Variants in DNAJC12 observed in about 807,000 individuals in gnomAD.
DNAJC12 encodes the protein DnaJ heat shock protein family (Hsp40) member C12.
DNAJC12 carries 25 observed loss-of-function variants against 28.5 expected under a neutral mutation model. That is an observed-to-expected ratio of 0.88 (90% CI 0.64 to 1.22). The LOEUF (loss-of-function observed/expected upper bound fraction) is 1.22. DNAJC12 is among the 50% of genes most tolerant of loss of function. DNAJC12 has a pLI of 0.00. For missense variants in DNAJC12, 222 were observed against 231.7 expected, an observed-to-expected ratio of 0.96 and a Z score of 0.27; for synonymous variants, 77 against 80.6, an observed-to-expected ratio of 0.95 and a Z score of 0.24.
rs1304875831 is a variant in DNAJC12 at position 67,834,836 on chromosome 10, T to TA, written c.78+3097dup. On this transcript the variant is annotated intron_variant, in intron 1 of 4. Coordinates refer to ENST00000225171, the MANE Select transcript of DNAJC12 (RefSeq NM_021800.3). ...ACTTCATCTCAAAGAAACAAAAATT[T>TA]AAAAAAAAAATCCAATATAGGGAGA... Among the ~76,000 whole-genome samples, 27 of 151,076 alleles carry TA rather than the reference T, an allele frequency of 1.8e-4. No individual in the cohort carries two copies. The South Asian group carries it at 4.4e-3, about 25-fold the overall frequency.
chr10:67,833,898 A>G (rs1418909481), intron 1 of DNAJC12: 3 of 482,182 alleles, frequency 6.2e-6, no homozygotes, highest in South Asian at 1.5e-5. Flanking sequence ...ATCTGCCTTC[A>G]GTGGTGGCTA....
intron 2 of DNAJC12, among the ~76,000 whole-genome samples, chr10:67,819,756 A>AGGGG (rs1841962008): frequency 4.9e-5 from 1 of 20,310 alleles, no homozygotes; most frequent in Non-Finnish European, 1.0e-4. Flanking sequence ...GGAAGGAAGG[A>AGGGG]AGGAAGGAAG....
At chr10:67,816,363 T>C (rs1841916028) in intron 2 of DNAJC12, among the ~76,000 whole-genome samples, 2 of 152,028 alleles carry the variant, frequency 1.3e-5, no homozygotes, top group Non-Finnish European at 2.9e-5. Flanking sequence ...AATTATGTTA[T>C]TTTTATTATA....
chr10:67,814,093 T>C (rs749488132), intron 2 of DNAJC12, among the ~76,000 whole-genome samples: 1 of 150,396 alleles, frequency 6.6e-6, no homozygotes, highest in Admixed American at 6.6e-5. Context: ...TTCACACTTC[T>C]GAATTTCAAA....
In DNAJC12 at chr10:67,805,523, A is replaced by G. The variant is rs564835420; in HGVS notation, c.502+60T>C. 7.9e-6 allele frequency: 12 copies of G among 1,512,658 alleles called. No homozygotes were observed. In the South Asian group the frequency reaches 1.6e-4, roughly 20 times the overall value. 93.7% of individuals were successfully genotyped at this position (1,512,658 alleles called of 1,614,324 possible). A position where few individuals can be genotyped will look rare whatever the true frequency, so the allele number is the denominator to read the frequency against. ...TGAAAAAGTTAAGAATAAATGCAAT[A>G]TAAACAAAACTCTTTAATTTCAGAC... On this transcript the variant is annotated intron_variant, in intron 4 of 4. Transcript: ENST00000225171.
chr10:67,830,226 G>T (rs573202455), intron 1 of DNAJC12, among the ~76,000 whole-genome samples: 1 of 152,090 alleles, frequency 6.6e-6, no homozygotes, highest in South Asian at 2.1e-4. Context: ...CACAAGAATC[G>T]CTTGAGCCTG....
intron 3 of DNAJC12, among the ~76,000 whole-genome samples, chr10:67,806,448 C>G (rs1841801309): frequency 1.3e-5 from 2 of 152,178 alleles, no homozygotes; most frequent in African/African-American, 4.8e-5. Flanking sequence ...AGTCCAAAGG[C>G]TAATCAACCC....
intron 4 of DNAJC12, among the ~76,000 whole-genome samples, chr10:67,801,606 A>G (rs990815846): frequency 1.3e-5 from 2 of 151,970 alleles, no homozygotes; most frequent in African/African-American, 4.8e-5. Context: ...CCTGGGCAAC[A>G]TGGTGAAACC....
chr10:67,798,171 A>T (rs1272087916), intron 4 of DNAJC12, among the ~76,000 whole-genome samples: 2 of 152,016 alleles, frequency 1.3e-5, no homozygotes, highest in African/African-American at 4.8e-5. Flanking sequence ...CCATTTATAA[A>T]TTTTTTTTGC....
intron 2 of DNAJC12, chr10:67,816,099 C>G (rs973942579): frequency 2.5e-6 from 1 of 398,346 alleles, no homozygotes; most frequent in South Asian, 1.3e-4. Context: ...TGCTGGAAGT[C>G]TTGCGAGACA....
intron 3 of DNAJC12, among the ~76,000 whole-genome samples, chr10:67,809,222 G>A (rs1841834849): frequency 2.0e-5 from 3 of 151,902 alleles, no homozygotes; most frequent in Admixed American, 6.6e-5. Flanking sequence ...TTTTCCCATA[G>A]GCATCCTAAA....
chr10:67,813,439 A>G (rs1013357460), intron 2 of DNAJC12, among the ~76,000 whole-genome samples: 3 of 152,174 alleles, frequency 2.0e-5, no homozygotes, highest in African/African-American at 4.8e-5. Flanking sequence ...AAATGAAATT[A>G]AGAAAATTCC....
intron 4 of DNAJC12, among the ~76,000 whole-genome samples, chr10:67,798,253 T>C (rs1841699697): frequency 6.6e-6 from 1 of 152,076 alleles, no homozygotes. Flanking sequence ...ATTAACAATA[T>C]CTTAATATTT....
intron 1 of DNAJC12, among the ~76,000 whole-genome samples, chr10:67,828,646 AT>A (rs1842060483): frequency 1.4e-5 from 2 of 141,186 alleles, no homozygotes; most frequent in Non-Finnish European, 3.1e-5. Context: ...AAAGTGTTAA[AT>A]ATTCTATTTT....
chr10:67,817,095 A>G (rs986878839), intron 2 of DNAJC12, among the ~76,000 whole-genome samples: 3 of 152,134 alleles, frequency 2.0e-5, no homozygotes, highest in Non-Finnish European at 4.4e-5. Context: ...TTACTTATAA[A>G]AAGAGAAAAC....
intron 4 of DNAJC12, among the ~76,000 whole-genome samples, chr10:67,802,947 CCA>C (rs201104626): frequency 0.019 from 2,876 of 151,320 alleles, 45 homozygotes; most frequent in Non-Finnish European, 0.029. Context: ...ACATCCCCCC[CCA>C]CACACACACC....
chr10:67,833,868 G>GTT, intron 1 of DNAJC12: 1 of 484,650 alleles, frequency 2.1e-6, no homozygotes, highest in Non-Finnish European at 4.2e-6. Flanking sequence ...AGTAAAGCAA[G>GTT]TTTTTCAAAG....
chr10:67,803,859 G>A (rs1841773192), intron 4 of DNAJC12, among the ~76,000 whole-genome samples: 1 of 152,188 alleles, frequency 6.6e-6, no homozygotes, highest in Non-Finnish European at 1.5e-5. Flanking sequence ...CCAGTTACTG[G>A]GTGATGCAAT....
In DNAJC12 at chr10:67,819,709, A is replaced by G. The variant is rs1249005746; in HGVS notation, c.157+3605T>C. Among the ~76,000 whole-genome samples, 2 of 13,480 alleles carry G rather than the reference A, an allele frequency of 1.5e-4. 1 individual carries two copies. The highest frequency in any genetic ancestry group is 2.6e-3 in the East Asian group (2 of 768). 8.8% of individuals were successfully genotyped at this position (13,480 alleles called of 152,430 possible). A position where few individuals can be genotyped will look rare whatever the true frequency, so the allele number is the denominator to read the frequency against. ...AAGAAAGAAAGAAAGGAAGGAAGGA[A>G]GGAAGGAAGCAAGGAAGGAAGGAAG... is the stretch of plus-strand genomic sequence containing the variant. On this transcript the variant is annotated intron_variant, in intron 2 of 4. Transcript: ENST00000225171.
Sources: allele counts gnomAD v4.1 joint callset (sites outside exome capture counted in the v4.1 genomes callset), GRCh38; gene constraint gnomAD v4.1.1; transcripts MANE v1.5; gene names NCBI Gene and HGNC (gene_info 2026-07-23, HGNC 2026-07-21).